Variants in GALNT18 observed in about 807,000 individuals in gnomAD.
The protein encoded by GALNT18 is GalNAc-transferase 18.
In GALNT18, 44 loss-of-function variants were observed where a neutral mutation model predicts 69.5. The ratio of observed to expected loss-of-function variants is 0.63; its 90% CI spans 0.50 to 0.81. The LOEUF (loss-of-function observed/expected upper bound fraction) is 0.81, where lower values mean the gene tolerates loss of function less well. Among genes scored for constraint, GALNT18 ranks in the 40% least tolerant of loss-of-function variants. GALNT18 has a pLI of 0.00. For synonymous variants in GALNT18, 364 were observed against 318.2 expected (o/e 1.14, Z -1.53); for missense variants, 715 against 810.0 (o/e 0.88, Z 1.42).
intron 1 of GALNT18, among the ~76,000 whole-genome samples, chr11:11,556,016 T>G (rs1483168162): frequency 6.6e-6 from 1 of 152,092 alleles, no homozygotes; most frequent in Non-Finnish European, 1.5e-5. Context: ...AGACCATCAG[T>G]GCCAGGTCAT....
At position 11,473,460 on chromosome 11, in the gene GALNT18, C is replaced by G. The variant is rs1856317913; in HGVS notation, c.236-24524G>C. Among the ~76,000 whole-genome samples the G allele has an allele frequency of 2.0e-5, 3 of 152,124 alleles. No individual in the cohort carries two copies. The South Asian group carries it at 6.2e-4, about 32-fold the overall frequency. ...GTGTCTTAGTTATTCAATAGAGATG[C>G]AAGATCCGATTAATGCTGTATATTT... is the stretch of plus-strand genomic sequence containing the variant. On this transcript the variant is annotated intron_variant, in intron 1 of 10. Coordinates refer to ENST00000227756, the MANE Select transcript of GALNT18 (RefSeq NM_198516.3).
intron 1 of GALNT18, among the ~76,000 whole-genome samples, chr11:11,550,547 G>A (rs1251346272): frequency 1.3e-5 from 2 of 152,096 alleles, no homozygotes; most frequent in Admixed American, 6.5e-5. Context: ...CTAACTGGCC[G>A]TAATTTATAA....
intron 3 of GALNT18, among the ~76,000 whole-genome samples, chr11:11,408,435 A>G (rs192299921): frequency 1.3e-5 from 2 of 151,876 alleles, no homozygotes; most frequent in African/African-American, 4.8e-5. Context: ...CTCTCAATGA[A>G]CAGATCAGAG....
At chr11:11,398,930 G>C (rs139983341) in intron 3 of GALNT18, among the ~76,000 whole-genome samples, 1 of 152,170 alleles carries the variant, frequency 6.6e-6, no homozygotes, top group Non-Finnish European at 1.5e-5. Flanking sequence ...CTGCAGCCAG[G>C]GCAGAGGATA....
In GALNT18 at chr11:11,614,362, A is replaced by AGAGGAG. The variant is rs10612380; in HGVS notation, c.235+6991_235+6996dup. On this transcript the variant is annotated intron_variant, in intron 1 of 10. Transcript: ENST00000227756. The surrounding 1 kb of genome is among the most constrained non-coding windows in gnomAD (Gnocchi z 5.6). Reference sequence around the variant, plus strand: ...CAAGAGAGTGAGGAGAAGAAGAAGAAGAGGAGGAGGAGGAGGAGGAGGAGG... The same window carrying AGAGGAG: ...CAAGAGAGTGAGGAGAAGAAGAAGAAGAGGAGGAGGAGGAGGAGGAGGAGGAGGAGG... Among the ~76,000 whole-genome samples the AGAGGAG allele has an allele frequency of 0.025, 3,682 of 146,356 alleles. 136 individuals carry two copies. The highest frequency in any genetic ancestry group is 0.088 in the African/African-American group (3,442 of 38,970).
At chr11:11,552,406 A>G (rs1411355896) in intron 1 of GALNT18, among the ~76,000 whole-genome samples, 1 of 152,252 alleles carries the variant, frequency 6.6e-6, no homozygotes, top group Non-Finnish European at 1.5e-5. Context: ...CTTCTCAAAA[A>G]GACCAAGAGC....
At chr11:11,531,762 C>G (rs1288588136) in intron 1 of GALNT18, among the ~76,000 whole-genome samples, 1 of 152,238 alleles carries the variant, frequency 6.6e-6, no homozygotes, top group African/African-American at 2.4e-5. Context: ...CTCCCTCCTG[C>G]TGTGAGTCTC....
chr11:11,483,405 G>T (rs1228402512), intron 1 of GALNT18, among the ~76,000 whole-genome samples: 1 of 152,200 alleles, frequency 6.6e-6, no homozygotes, highest in Non-Finnish European at 1.5e-5. Context: ...ATCACATGGG[G>T]AACTATGCGG....
intron 1 of GALNT18, among the ~76,000 whole-genome samples, chr11:11,486,664 G>A (rs1371533676): frequency 1.3e-5 from 2 of 152,164 alleles, no homozygotes; most frequent in Admixed American, 6.5e-5. Flanking sequence ...GACAGCCAAC[G>A]GCAGTCCCTG....
At chr11:11,422,123 C>T (rs1683154118) in intron 3 of GALNT18, among the ~76,000 whole-genome samples, 1 of 152,188 alleles carries the variant, frequency 6.6e-6, no homozygotes, top group South Asian at 2.1e-4. Flanking sequence ...GGCCTGGGGT[C>T]AGGGCTTGAA....
Position 11,619,507 on chromosome 11 carries a change from T to A in GALNT18, c.235+1852A>T, listed in dbSNP as rs78540756. 0.024 allele frequency among the ~76,000 whole-genome samples: 3,712 copies of A among 152,114 alleles called. 164 individuals carry two copies. The highest frequency in any genetic ancestry group is 0.085 in the African/African-American group (3,527 of 41,458). ...CCCACTCCGTTACAGGCTCAGGGGTTAATGGCATCCCCTGAAAGCATCCCC... is the reference window on the plus strand; with the variant it reads ...CCCACTCCGTTACAGGCTCAGGGGTAAATGGCATCCCCTGAAAGCATCCCC... On this transcript the variant is annotated intron_variant, in intron 1 of 10. Transcript: ENST00000227756. This position sits in a 1 kb window ranked among gnomAD's most constrained non-coding sequence, Gnocchi z 4.9.
At chr11:11,329,373 C>A (rs1236062635) in intron 8 of GALNT18, among the ~76,000 whole-genome samples, 1 of 152,138 alleles carries the variant, frequency 6.6e-6, no homozygotes, top group East Asian at 1.9e-4. Flanking sequence ...CTAGCCAGCC[C>A]AGAGATATTA....
chr11:11,369,237 A>G (rs1225202103), intron 6 of GALNT18, among the ~76,000 whole-genome samples: 4 of 152,212 alleles, frequency 2.6e-5, no homozygotes, highest in Non-Finnish European at 4.4e-5. Flanking sequence ...AAAACAGCAT[A>G]AATTTATTCT....
intron 1 of GALNT18, among the ~76,000 whole-genome samples, chr11:11,525,094 T>A (rs948288907): frequency 2.0e-5 from 3 of 151,354 alleles, no homozygotes; most frequent in African/African-American, 7.3e-5. Flanking sequence ...TTCAGAGAGG[T>A]GCAAGAAAAA....
chr11:11,508,405 A>G (rs1857109444), intron 1 of GALNT18, among the ~76,000 whole-genome samples: 1 of 152,226 alleles, frequency 6.6e-6, no homozygotes, highest in Non-Finnish European at 1.5e-5. Context: ...ACTGCACTCC[A>G]TCAAAAGCCA....
chr11:11,561,126 A>G (rs536965760), intron 1 of GALNT18, among the ~76,000 whole-genome samples: 26 of 152,342 alleles, frequency 1.7e-4, no homozygotes, highest in Non-Finnish European at 2.4e-4. Flanking sequence ...TGGTTCATTA[A>G]TCATCTTTAT....
chr11:11,550,124 G>T (rs1458195433), intron 1 of GALNT18, among the ~76,000 whole-genome samples: 2 of 152,210 alleles, frequency 1.3e-5, no homozygotes, highest in East Asian at 3.8e-4. Context: ...AATGCATCCA[G>T]TAGGCAAGAC....
intron 9 of GALNT18, among the ~76,000 whole-genome samples, chr11:11,307,444 G>A (rs745606025): frequency 1.1e-4 from 16 of 152,142 alleles, no homozygotes; most frequent in Non-Finnish European, 1.5e-4. Flanking sequence ...AGAGATGAGG[G>A]CATGTCCATT....
intron 1 of GALNT18, among the ~76,000 whole-genome samples, chr11:11,521,003 C>T (rs989830378): frequency 2.6e-5 from 4 of 152,104 alleles, no homozygotes; most frequent in African/African-American, 9.7e-5. Flanking sequence ...TCTAGGAAGG[C>T]TCCCCGTGCC....
Sources: gnomAD v4.1 joint callset for allele counts (sites outside exome capture counted in the v4.1 genomes callset) on GRCh38, gnomAD v4.1.1 for gene constraint, Gnocchi (gnomAD v3.1) non-coding constraint, MANE v1.5 for transcripts, NCBI Gene and HGNC (gene_info 2026-07-23, HGNC 2026-07-21) for gene names.